Variants in DIP2B observed in about 807,000 individuals in gnomAD.
The protein encoded by DIP2B is disco-interacting protein 2 homolog B.
A neutral mutation model predicts 198.0 loss-of-function variants in DIP2B; 76 were observed. That is an observed-to-expected ratio of 0.38 (90% CI 0.32 to 0.46). DIP2B has a LOEUF of 0.46. Ranked by LOEUF, DIP2B falls within the 20% of genes least tolerant of loss-of-function variation. The pLI, the probability that DIP2B is intolerant of heterozygous loss-of-function variation, is 0.99. For missense variants in DIP2B, 1,559 were observed against 1,978.4 expected (o/e 0.79, Z 4.02); for synonymous variants, 701 against 739.1 (o/e 0.95, Z 0.84).
chr12:50,626,083 T>A, intron 2 of DIP2B, 36 bp downstream of exon 2: 1 of 1,593,450 alleles, frequency 6.3e-7, no homozygotes, highest in Non-Finnish European at 8.6e-7. Context: ...TTTTTCAGTA[T>A]TTTTACACCA....
intron 12 of DIP2B, among the ~76,000 whole-genome samples, chr12:50,690,087 ATT>A (rs796347201): frequency 7.8e-5 from 11 of 140,238 alleles, no homozygotes; most frequent in Non-Finnish European, 1.1e-4. Context: ...GGAACACTTA[ATT>A]TTTTTTTTTT....
Position 50,695,902 on chromosome 12 carries a change from G to C in DIP2B, c.1868G>C (p.Arg623Pro). 6.2e-7 allele frequency: 1 copy of C among 1,614,052 alleles called. No homozygotes were observed. Among genetic ancestry groups the C allele is most frequent in the Non-Finnish European group, 8.5e-7 (1 of 1,179,962 alleles). The change falls in exon 16 of 38, where the codon CGG (arginine) becomes CCG (proline). Residue 623 changes from arginine to proline, a missense_variant. Coordinates refer to ENST00000301180, the MANE Select transcript of DIP2B (RefSeq NM_173602.3). The stretch of plus-strand genomic sequence containing the variant: ...TTGCACTGGGCTATGATGGCACATC[G>C]GGACCAAAGAGACGTGAGCTTGAGT... ...RDLHWAMMAH[R>P]DQRDVSLSSL...
At chr12:50,584,231 A>G (rs1397916486) in intron 1 of DIP2B, among the ~76,000 whole-genome samples, 1 of 152,242 alleles carries the variant, frequency 6.6e-6, no homozygotes, top group African/African-American at 2.4e-5. Flanking sequence ...CAGACCTCAC[A>G]GGTACAGAGG....
At chr12:50,534,464 C>T (rs1234270532) in intron 1 of DIP2B, among the ~76,000 whole-genome samples, 1 of 150,642 alleles carries the variant, frequency 6.6e-6, no homozygotes, top group Non-Finnish European at 1.5e-5. Flanking sequence ...CCTCCACCTC[C>T]CAGGTTCAAG....
At chr12:50,632,606 G>T (rs190411913) in intron 2 of DIP2B, among the ~76,000 whole-genome samples, 1 of 149,612 alleles carries the variant, frequency 6.7e-6, no homozygotes, top group South Asian at 2.2e-4. Context: ...GCGTGATCTC[G>T]GCTCACTGCA....
intron 4 of DIP2B, 90 bp from the exon 5 acceptor site, chr12:50,671,096 T>G: frequency 7.9e-7 from 1 of 1,265,580 alleles, no homozygotes; most frequent in Non-Finnish European, 1.1e-6. Context: ...TTTGCTGGTG[T>G]CGAAACTGAA....
chr12:50,622,714 C>A (rs1373441245), intron 1 of DIP2B, among the ~76,000 whole-genome samples: 3 of 152,138 alleles, frequency 2.0e-5, no homozygotes, highest in Admixed American at 1.3e-4. Flanking sequence ...TGTGTTCAAG[C>A]GATTCTCCTG....
chr12:50,643,926 GTA>G (rs982559379), intron 3 of DIP2B, among the ~76,000 whole-genome samples: 15 of 152,284 alleles, frequency 9.9e-5, no homozygotes, highest in African/African-American at 3.6e-4. Flanking sequence ...AGAATTTAGG[GTA>G]TATTTAATAA....
intron 1 of DIP2B, among the ~76,000 whole-genome samples, chr12:50,582,270 G>A (rs775542554): frequency 2.2e-4 from 32 of 146,414 alleles, no homozygotes; most frequent in Middle Eastern, 3.5e-3. Flanking sequence ...TCCTGCCTCA[G>A]CCTCCAAGTA....
chr12:50,647,783 G>T (rs1174630005), intron 3 of DIP2B, among the ~76,000 whole-genome samples: 1 of 152,176 alleles, frequency 6.6e-6, no homozygotes, highest in East Asian at 1.9e-4. Flanking sequence ...TGCCACTCAT[G>T]GATCATATGC....
At chr12:50,532,584 C>CA (rs1341619793) in intron 1 of DIP2B, among the ~76,000 whole-genome samples, 1 of 152,006 alleles carries the variant, frequency 6.6e-6, no homozygotes, top group African/African-American at 2.4e-5. Flanking sequence ...TGAAGACATA[C>CA]AAAAAAACCC....
At chr12:50,542,736 C>A (rs989524243) in intron 1 of DIP2B, among the ~76,000 whole-genome samples, 2 of 152,186 alleles carry the variant, frequency 1.3e-5, no homozygotes, top group Admixed American at 6.5e-5. Flanking sequence ...AAGCTTTAAT[C>A]AGACTTATGA....
chr12:50,640,686 T>C (rs78633833), intron 2 of DIP2B, 38 bp from the exon 3 acceptor site: 10 of 1,607,946 alleles, frequency 6.2e-6, no homozygotes, highest in Non-Finnish European at 8.5e-6. Flanking sequence ...TAGCTATTAC[T>C]GTTACTGGAT....
chr12:50,507,824 C>T (rs1466925373), intron 1 of DIP2B, among the ~76,000 whole-genome samples: 3 of 152,214 alleles, frequency 2.0e-5, no homozygotes, highest in Admixed American at 1.3e-4. Context: ...GCGTGAGCCA[C>T]CGCTAAAGAT....
intron 30 of DIP2B, 37 bp from the exon 31 acceptor site, chr12:50,731,332 G>C: frequency 1.2e-6 from 2 of 1,601,278 alleles, no homozygotes; most frequent in Non-Finnish European, 1.7e-6. Context: ...TATCCAGGAT[G>C]AATTGATGAT....
chr12:50,717,385 A>G (rs1592140860), intron 23 of DIP2B, among the ~76,000 whole-genome samples: 12 of 47,218 alleles, frequency 2.5e-4, no homozygotes, highest in East Asian at 6.5e-4. Context: ...TTTTTTTTTG[A>G]GATGGAGTCT....
At position 50,699,756 on chromosome 12, in the gene DIP2B, G is replaced by A. The variant is rs376248579; in HGVS notation, c.2325+554G>A. ...TGCATGGCTGTGGTCCCAGCTACTCGAAAGGCTGAGGCAGGAGGATCCCTT... is the reference window on the plus strand; with the variant it reads ...TGCATGGCTGTGGTCCCAGCTACTCAAAAGGCTGAGGCAGGAGGATCCCTT... On this transcript the variant is annotated intron_variant, in intron 19 of 37. Coordinates refer to ENST00000301180, the MANE Select transcript of DIP2B (RefSeq NM_173602.3). Among the ~76,000 whole-genome samples the A allele has an allele frequency of 1.2e-4, 19 of 152,100 alleles. No homozygotes were observed. In the East Asian group the frequency reaches 3.7e-3, roughly 29 times the overall value.
At chr12:50,671,594 T>G (rs1938855982) in intron 5 of DIP2B, among the ~76,000 whole-genome samples, 196 bp downstream of exon 5, 1 of 152,224 alleles carries the variant, frequency 6.6e-6, no homozygotes, top group Non-Finnish European at 1.5e-5. Context: ...AACACCTGCA[T>G]TATTGGTGCG....
chr12:50,602,062 G>A (rs548891887), intron 1 of DIP2B, among the ~76,000 whole-genome samples: 151 of 152,282 alleles, frequency 9.9e-4, no homozygotes, highest in Non-Finnish European at 5.4e-4. Context: ...TGGAAGTCCC[G>A]CTTGTCAGCT....
Sources: gnomAD v4.1 joint callset for allele counts (sites outside exome capture counted in the v4.1 genomes callset) on GRCh38, gnomAD v4.1.1 for gene constraint, MANE v1.5 for transcripts, NCBI Gene and HGNC (gene_info 2026-07-23, HGNC 2026-07-21) for gene names.